The following BACH2 variants were observed in gnomAD, a reference collection of about 807,000 sequenced individuals.
BACH2 encodes transcription regulator protein BACH2.
BACH2 carries 5 observed loss-of-function variants against 61.8 expected under a neutral mutation model. That is an observed-to-expected ratio of 0.08 (90% CI 0.04 to 0.17). BACH2 has a LOEUF of 0.17. Ranked by LOEUF, BACH2 falls within the 10% of genes least tolerant of loss-of-function variation. The pLI is 1.00. For synonymous variants in BACH2, 446 were observed against 440.1 expected (o/e 1.01, Z -0.17); for missense variants, 824 against 1,091.1 (o/e 0.76, Z 3.45).
chr6:90,032,100 T>C (rs1034654183), intron 5 of BACH2, among the ~76,000 whole-genome samples: 1 of 152,056 alleles, frequency 6.6e-6, no homozygotes, highest in South Asian at 2.1e-4. Flanking sequence ...AAACAAGCAA[T>C]GGGGAAAGGA....
chr6:89,996,021 G>GC (rs952526111), intron 6 of BACH2, among the ~76,000 whole-genome samples: 1 of 152,168 alleles, frequency 6.6e-6, no homozygotes, highest in Non-Finnish European at 1.5e-5. Context: ...CTCAGCCCCT[G>GC]CCCCTTTTTT....
intron 5 of BACH2, among the ~76,000 whole-genome samples, chr6:90,023,956 G>A (rs550363605): frequency 1.5e-4 from 23 of 152,252 alleles, no homozygotes; most frequent in African/African-American, 5.5e-4. Context: ...ATATACAAAG[G>A]TGGCAAAACT....
rs74718725 is a variant in BACH2 at position 90,038,454 on chromosome 6, A to G, written c.-12-29598T>C. Among the ~76,000 whole-genome samples the G allele has an allele frequency of 5.2e-3, 794 of 152,296 alleles. 50 individuals are homozygous for G. In the East Asian group the frequency reaches 0.14, roughly 26 times the overall value. On this transcript the variant is annotated intron_variant, in intron 5 of 8. Transcript: ENST00000257749. The stretch of plus-strand genomic sequence containing the variant: ...TCTTGTGCTCAACATTATGTTTGTG[A>G]GGTTCATCCATGTTGTTGTGTATAA...
intron 7 of BACH2, among the ~76,000 whole-genome samples, chr6:89,944,220 G>A (rs901258829): frequency 2.6e-5 from 4 of 152,202 alleles, no homozygotes; most frequent in South Asian, 2.1e-4. Context: ...GTCACAGGGC[G>A]ATAACGCCTG....
Position 89,950,164 on chromosome 6 carries a change from A to G in BACH2, c.1836+106T>C. 7.5e-7 allele frequency: 1 copy of G among 1,333,758 alleles called. No homozygotes were observed. Among genetic ancestry groups the G allele is most frequent in the Non-Finnish European group, 1.1e-6 (1 of 929,592 alleles). 82.6% of individuals were successfully genotyped at this position (1,333,758 alleles called of 1,614,324 possible). On this transcript the variant is annotated intron_variant, in intron 7 of 8. Coordinates refer to ENST00000257749, the MANE Select transcript of BACH2 (RefSeq NM_021813.4). This position sits in a 1 kb window ranked among gnomAD's most constrained non-coding sequence, Gnocchi z 5.3. ...AGGCAGTCTCTCTACTGTCATCTTT[A>G]ATCTTAGCACGTAAGAACAATGTGG...
chr6:90,111,104 C>T (rs534508685), intron 4 of BACH2, among the ~76,000 whole-genome samples: 11 of 152,220 alleles, frequency 7.2e-5, no homozygotes, highest in Non-Finnish European at 7.4e-5. Context: ...TAGCAGTGCA[C>T]GTCAATACTG....
intron 4 of BACH2, among the ~76,000 whole-genome samples, chr6:90,142,536 T>C (rs1784493886): frequency 6.6e-6 from 1 of 152,172 alleles, no homozygotes; most frequent in South Asian, 2.1e-4. Context: ...GCCCAAACAG[T>C]ACTTTGTTAT....
At chr6:90,039,862 T>C (rs1779445821) in intron 5 of BACH2, among the ~76,000 whole-genome samples, 1 of 152,234 alleles carries the variant, frequency 6.6e-6, no homozygotes, top group Admixed American at 6.5e-5. Context: ...AACAGCTATT[T>C]ATATTTCCAC....
At chr6:90,270,952 A>G (rs1310210602) in intron 2 of BACH2, among the ~76,000 whole-genome samples, 1 of 152,234 alleles carries the variant, frequency 6.6e-6, no homozygotes, top group African/African-American at 2.4e-5. Flanking sequence ...TCTTTGACAA[A>G]GCAAACAAAA....
intron 4 of BACH2, among the ~76,000 whole-genome samples, chr6:90,174,869 G>GAT (rs1232437159): frequency 1.1e-4 from 16 of 151,384 alleles, no homozygotes; most frequent in African/African-American, 2.7e-4. Context: ...ATTGCTTTGG[G>GAT]ATATATATAT....
At chr6:90,009,765 A>G (rs1237505008) in intron 5 of BACH2, among the ~76,000 whole-genome samples, 1 of 152,138 alleles carries the variant, frequency 6.6e-6, no homozygotes, top group Non-Finnish European at 1.5e-5. Context: ...CCTGGGTTCA[A>G]GTGATTCTCC....
intron 4 of BACH2, among the ~76,000 whole-genome samples, chr6:90,205,847 C>T (rs1352038191): frequency 6.6e-6 from 1 of 152,178 alleles, no homozygotes; most frequent in East Asian, 1.9e-4. Context: ...CTTGCTAGAA[C>T]ATACTCACTA....
intron 2 of BACH2, among the ~76,000 whole-genome samples, chr6:90,262,063 C>T (rs1211854616): frequency 6.6e-6 from 1 of 152,146 alleles, no homozygotes; most frequent in East Asian, 1.9e-4. Context: ...ATTGAGATTC[C>T]TGAAGTTGTT....
chr6:90,283,655 G>A (rs565890125), intron 1 of BACH2, among the ~76,000 whole-genome samples: 6 of 152,232 alleles, frequency 3.9e-5, no homozygotes, highest in East Asian at 3.9e-4. Context: ...GATTACAGGC[G>A]TGAGCCACCA....
chr6:90,277,311 T>A (rs1771724707), intron 1 of BACH2, among the ~76,000 whole-genome samples: 1 of 152,166 alleles, frequency 6.6e-6, no homozygotes, highest in Non-Finnish European at 1.5e-5. Flanking sequence ...GAATGAAAAA[T>A]CAACTACCAT....
chr6:89,936,833 A>C (rs1208067219), intron 8 of BACH2, among the ~76,000 whole-genome samples: 1 of 152,194 alleles, frequency 6.6e-6, no homozygotes, highest in Non-Finnish European at 1.5e-5. Flanking sequence ...CTGGTGGCTC[A>C]CCATGAGGCC....
intron 2 of BACH2, among the ~76,000 whole-genome samples, chr6:90,270,289 T>A (rs1414858227): frequency 6.6e-6 from 1 of 152,148 alleles, no homozygotes; most frequent in African/African-American, 2.4e-5. Flanking sequence ...TTTAGTTCTT[T>A]AAGGAATCTC....
chr6:90,249,949 GAGA>G (rs1397634738), intron 3 of BACH2, among the ~76,000 whole-genome samples: 4 of 152,156 alleles, frequency 2.6e-5, no homozygotes, highest in African/African-American at 9.7e-5. Flanking sequence ...TTTTAAATGG[GAGA>G]TAGGTTATTT....
At chr6:90,097,246 C>T (rs9451355) in intron 4 of BACH2, among the ~76,000 whole-genome samples, 6,191 of 148,782 alleles carry the variant, frequency 0.042, 392 homozygotes, top group African/African-American at 0.14. Flanking sequence ...CATCTGTCCA[C>T]GAGAATTTTC....
Sources: allele counts gnomAD v4.1 joint callset (sites outside exome capture counted in the v4.1 genomes callset), GRCh38; gene constraint gnomAD v4.1.1; non-coding constraint Gnocchi (gnomAD v3.1); transcripts MANE v1.5; gene names NCBI Gene and HGNC (gene_info 2026-07-23, HGNC 2026-07-21).